Variants in MAST1 observed in about 807,000 individuals in gnomAD.
MAST1 encodes the protein microtubule associated serine/threonine kinase 1.
In MAST1, 40 loss-of-function variants were observed where a neutral mutation model predicts 124.6. The ratio of observed to expected loss-of-function variants is 0.32; its 90% CI spans 0.25 to 0.42. The LOEUF (loss-of-function observed/expected upper bound fraction) is 0.42, where lower values mean the gene tolerates loss of function less well. Ranked by LOEUF, MAST1 falls within the 10% of genes least tolerant of loss-of-function variation. MAST1 has a pLI of 1.00. For synonymous variants in MAST1, 938 were observed against 939.4 expected (o/e 1.00, Z 0.03); for missense variants, 1,558 against 2,181.9 (o/e 0.71, Z 5.70).
intron 4 of MAST1, among the ~76,000 whole-genome samples, chr19:12,845,016 T>C (rs901823909): frequency 1.3e-5 from 2 of 152,072 alleles, no homozygotes; most frequent in African/African-American, 4.8e-5. Flanking sequence ...AAAAATATCA[T>C]TCTGGCCGGG....
Position 12,873,903 on chromosome 19 carries a change from GC to G in MAST1, c.3750del (p.Lys1251ArgfsTer24). On this transcript the variant is annotated frameshift_variant, in exon 26 of 26. Coordinates refer to ENST00000251472, the MANE Select transcript of MAST1 (RefSeq NM_014975.3). LOFTEE classifies it low-confidence loss of function (END_TRUNC). The stretch of plus-strand genomic sequence containing the variant: ...TCATCGCCTCCCGTCGTGCGCCCGC[GC>G]CCCAAGAGTGCCGAGCCCCCTCGCT... ...LHSSPPVVRP[R>X]PKSAEPPRSP... is the part of the protein sequence containing the mutation. 6.3e-7 allele frequency: 1 copy of G among 1,582,288 alleles called. No individual in the cohort carries two copies. The highest frequency in any genetic ancestry group is 1.8e-5 in the Admixed American group (1 of 56,308).
Position 12,852,309 on chromosome 19 carries a change from ACT to A in MAST1, c.1010-15_1010-14del. On this transcript the variant is annotated splice_polypyrimidine_tract_variant and intron_variant, in intron 9 of 25. Transcript: ENST00000251472. ...CAGGCCCAGAACCCAGCTCGTGCTC[ACT>A]CTCAGTCCCTCCCTAGATGTGGTGC... 2 of 1,613,852 alleles carry A rather than the reference ACT, an allele frequency of 1.2e-6. No individual in the cohort carries two copies. The highest frequency in any genetic ancestry group is 2.2e-5 in the South Asian group (2 of 91,074).
In MAST1 at chr19:12,847,195, C is replaced by G. The variant is rs1969903771; in HGVS notation, c.328-95C>G. On this transcript the variant is annotated intron_variant, in intron 4 of 25. Transcript: ENST00000251472. This position sits in a 1 kb window ranked among gnomAD's most constrained non-coding sequence, Gnocchi z 5.5. ...ATCAGGTCCTGATCCTGGCCTTGCC[C>G]AGTGACCCCATCGGCTTTGGGAGTC... 2 of 776,948 alleles carry G rather than the reference C, an allele frequency of 2.6e-6. No homozygotes were observed. The highest frequency in any genetic ancestry group is 4.5e-5 in the Admixed American group (2 of 44,046). 48.1% of individuals were successfully genotyped at this position (776,948 alleles called of 1,614,324 possible). A position where few individuals can be genotyped will look rare whatever the true frequency, so the allele number is the denominator to read the frequency against.
chr19:12,848,696 G>T (rs1969926945), intron 7 of MAST1: 1 of 152,216 alleles, frequency 6.6e-6, no homozygotes, highest in East Asian at 1.9e-4. Flanking sequence ...GGTGGCTCAG[G>T]CCTGTAATCC....
chr19:12,847,427 G>T lies in MAST1; in HGVS notation c.465G>T (p.Val155=), dbSNP rs1438935551. The stretch of plus-strand genomic sequence containing the variant: ...ATGGTGGCCGTCGCTCCCCAGCCGT[G>T]CGGCCCCGCTCACGGAGCCTCAGGT... ...DEDGGRRSPA[V]RPRSRSLSPG... is the part of the protein sequence containing the mutation. Residue 155 remains valine (V), a synonymous_variant, in exon 5 of 26, where the codon GTG becomes GTT. Coordinates refer to ENST00000251472, the MANE Select transcript of MAST1 (RefSeq NM_014975.3). The surrounding 1 kb of genome is among the most constrained non-coding windows in gnomAD (Gnocchi z 5.5). The T allele has an allele frequency of 1.2e-5, 19 of 1,613,626 alleles. No homozygotes were observed. Among genetic ancestry groups the T allele is most frequent in the Non-Finnish European group, 1.5e-5 (18 of 1,179,984 alleles).
At chr19:12,851,775 C>G (rs984856940) in intron 7 of MAST1, among the ~76,000 whole-genome samples, 159 bp from the exon 8 acceptor site, 1 of 152,116 alleles carries the variant, frequency 6.6e-6, no homozygotes, top group Non-Finnish European at 1.5e-5. Flanking sequence ...CATGAGCCAC[C>G]GTGCCCAGCC....
rs1377974791 is a variant in MAST1, at chr19:12,874,102, C to G, written c.3945C>G (p.Pro1315=). 2 of 1,558,050 alleles carry G rather than the reference C, an allele frequency of 1.3e-6. No individual in the cohort carries two copies. Among genetic ancestry groups the G allele is most frequent in the Admixed American group, 3.9e-5 (2 of 51,574 alleles). The part of the protein sequence containing the change: ...HSLAESDGET[P]PVEGLGAPRQ... ...TTGCCGAGTCCGACGGTGAGACGCC[C>G]CCAGTCGAGGGCCTTGGCGCGCCCC... The change falls in exon 26 of 26, where the codon CCC becomes CCG. Residue 1315 remains proline (P), a synonymous_variant. Transcript: ENST00000251472. This position sits in a 1 kb window ranked among gnomAD's most constrained non-coding sequence, Gnocchi z 6.6.
intron 7 of MAST1, 127 bp downstream of exon 7, chr19:12,848,184 T>G: frequency 2.3e-6 from 2 of 853,504 alleles, no homozygotes; most frequent in Non-Finnish European, 3.6e-6. Flanking sequence ...GGCGTGGAGC[T>G]GAGGACTCAG....
chr19:12,874,479 C>T lies in MAST1; in HGVS notation c.4322C>T (p.Ala1441Val), dbSNP rs866290486. The T allele has an allele frequency of 1.3e-6, 2 of 1,575,816 alleles. No individual in the cohort carries two copies. The highest frequency in any genetic ancestry group is 1.7e-6 in the Non-Finnish European group (2 of 1,164,948). ...TPLVPIVVEP[A>V]RPGAKAVVPQ... Reference sequence around the variant, plus strand: ...CTGGTACCCATTGTCGTAGAGCCTGCGCGGCCCGGGGCTAAGGCTGTGGTG... The same window carrying T: ...CTGGTACCCATTGTCGTAGAGCCTGTGCGGCCCGGGGCTAAGGCTGTGGTG... Residue 1441 changes from alanine to valine, a missense_variant, in exon 26 of 26, where the codon GCG (alanine) becomes GTG (valine). Coordinates refer to ENST00000251472, the MANE Select transcript of MAST1 (RefSeq NM_014975.3). The surrounding 1 kb of genome is among the most constrained non-coding windows in gnomAD (Gnocchi z 6.6).
At chr19:12,844,319 A>G (rs1969866024) in intron 4 of MAST1, among the ~76,000 whole-genome samples, 1 of 152,208 alleles carries the variant, frequency 6.6e-6, no homozygotes, top group Admixed American at 6.6e-5. Flanking sequence ...ATCCATGCCC[A>G]TAGTTCCCTT....
chr19:12,863,923 A>AAT (rs1970116894), intron 12 of MAST1, among the ~76,000 whole-genome samples: 3 of 130,636 alleles, frequency 2.3e-5, no homozygotes, highest in East Asian at 2.8e-4. Flanking sequence ...TCTACAAAAA[A>AAT]CTTTTTTTTT....
At chr19:12,856,242 C>T (rs1970015902) in intron 10 of MAST1, among the ~76,000 whole-genome samples, 2 of 151,782 alleles carry the variant, frequency 1.3e-5, no homozygotes, top group Non-Finnish European at 1.5e-5. Context: ...AAATCTTACT[C>T]CTACCTTTTT....
At position 12,867,791 on chromosome 19, in the gene MAST1, G is replaced by A. The variant is rs1334592889; in HGVS notation, c.2380G>A (p.Ala794Thr). ...LEGEASPPLG[A>T]RRRFSALLEP... The stretch of plus-strand genomic sequence containing the variant: ...GGGAGAGGCCAGTCCCCCTTTGGGC[G>A]CCCGCCGCCGTTTCTCGGCGCTGCT... Residue 794 changes from alanine (A) to threonine (T), a missense_variant, in exon 20 of 26, where the codon GCC (alanine) becomes ACC (threonine). Coordinates refer to ENST00000251472, the MANE Select transcript of MAST1 (RefSeq NM_014975.3). 2 of 1,562,150 alleles carry A rather than the reference G, an allele frequency of 1.3e-6. No individual in the cohort carries two copies. The highest frequency in any genetic ancestry group is 2.7e-5 in the African/African-American group (2 of 72,776).
In MAST1 at chr19:12,847,958, C is replaced by T. The variant is rs1969917146; in HGVS notation, c.675C>T (p.Ile225=). 6.2e-7 allele frequency: 1 copy of T among 1,613,986 alleles called. No individual in the cohort carries two copies. Among genetic ancestry groups the T allele is most frequent in the Non-Finnish European group, 8.5e-7 (1 of 1,179,972 alleles). The change falls in exon 7 of 26, where the codon ATC becomes ATT. Residue 225 remains isoleucine (I), a synonymous_variant. Transcript: ENST00000251472. The surrounding 1 kb of genome is among the most constrained non-coding windows in gnomAD (Gnocchi z 5.5). ...GVLSFIHHQI[I]ELARDCLTKS... is the part of the protein sequence containing the mutation. ...TCAGCTTCATCCACCACCAGATCAT[C>T]GAGCTGGCCCGGGACTGCCTGACCA...
chr19:12,870,984 G>C (rs1269522487), intron 23 of MAST1, 38 bp downstream of exon 23: 1 of 1,613,510 alleles, frequency 6.2e-7, no homozygotes, highest in Non-Finnish European at 8.5e-7. Flanking sequence ...GCGGAGGGTG[G>C]GGGAGGCCTG....
In MAST1 at chr19:12,866,201, C is replaced by T; in HGVS notation, c.2029+99C>T. 2 of 1,266,792 alleles carry T rather than the reference C, an allele frequency of 1.6e-6. No individual in the cohort carries two copies. The highest frequency in any genetic ancestry group is 4.8e-5 in the Admixed American group (2 of 41,484). The allele number at this position is 1,266,792 out of a possible 1,614,324, so 78.5% of individuals were successfully genotyped here. On this transcript the variant is annotated intron_variant, in intron 17 of 25. Coordinates refer to ENST00000251472, the MANE Select transcript of MAST1 (RefSeq NM_014975.3). The surrounding 1 kb of genome is among the most constrained non-coding windows in gnomAD (Gnocchi z 5.2). ...CCTGGGATAGGGCCTGGCTAAGTAC[C>T]AAGATGTGATGCCTAGGTGCGAAGG...
intron 3 of MAST1, among the ~76,000 whole-genome samples, chr19:12,842,520 T>C (rs1019624198): frequency 7.9e-5 from 12 of 152,162 alleles, no homozygotes; most frequent in African/African-American, 2.9e-4. Context: ...CTCGAACTTC[T>C]GACCTCAGGT....
chr19:12,858,927 T>G, intron 12 of MAST1, 188 bp downstream of exon 12: 2 of 627,888 alleles, frequency 3.2e-6, no homozygotes, highest in East Asian at 5.5e-5. Context: ...ATCTATTGGT[T>G]TATTTGTTTT....
chr19:12,869,737 A>G (rs1970207802), intron 22 of MAST1, among the ~76,000 whole-genome samples: 1 of 150,800 alleles, frequency 6.6e-6, no homozygotes, highest in Non-Finnish European at 1.5e-5. Flanking sequence ...TGCCTGGCCG[A>G]GACTGTTTCT....
Sources: gnomAD v4.1 joint callset for allele counts (sites outside exome capture counted in the v4.1 genomes callset) on GRCh38, gnomAD v4.1.1 for gene constraint, Gnocchi (gnomAD v3.1) non-coding constraint, MANE v1.5 for transcripts, NCBI Gene and HGNC (gene_info 2026-07-23, HGNC 2026-07-21) for gene names.